TACC2: variants seen among roughly 807,000 people sequenced by gnomAD.
The protein encoded by TACC2 is transforming acidic coiled-coil-containing protein 2.
Under a neutral mutation model 227.3 loss-of-function variants are expected in TACC2, and 137 were observed. The observed-to-expected ratio is 0.60, with a 90% CI of 0.52 to 0.69. TACC2 has a LOEUF of 0.69. TACC2 is among the 30% of genes least tolerant of loss of function. The pLI, the probability that TACC2 is intolerant of heterozygous loss-of-function variation, is 0.00. For missense variants in TACC2, 3,470 were observed against 3,694.4 expected, an observed-to-expected ratio of 0.94 and a Z score of 1.57; for synonymous variants, 1,523 against 1,487.5, an observed-to-expected ratio of 1.02 and a Z score of -0.55.
intron 15 of TACC2, among the ~76,000 whole-genome samples, chr10:122,229,834 C>T (rs1026100761): frequency 5.3e-5 from 8 of 152,152 alleles, no homozygotes; most frequent in African/African-American, 1.9e-4. Context: ...TTTATATATA[C>T]GTGGCTATCT....
At chr10:122,008,888 A>T (rs1955585029) in intron 1 of TACC2, among the ~76,000 whole-genome samples, 1 of 152,166 alleles carries the variant, frequency 6.6e-6, no homozygotes, top group Non-Finnish European at 1.5e-5. Flanking sequence ...TATCCCTTTA[A>T]ATTCCATGTG....
intron 3 of TACC2, among the ~76,000 whole-genome samples, chr10:122,056,413 G>C (rs2076217389): frequency 6.6e-6 from 1 of 152,202 alleles, no homozygotes; most frequent in Non-Finnish European, 1.5e-5. Flanking sequence ...GACCTCAGGT[G>C]ATCTGCCCAC....
At chr10:122,003,463 T>C (rs1018201158) in intron 1 of TACC2, among the ~76,000 whole-genome samples, 3 of 152,146 alleles carry the variant, frequency 2.0e-5, no homozygotes, top group Non-Finnish European at 4.4e-5. Flanking sequence ...GACTCTGATA[T>C]ATATGTAATG....
At chr10:122,044,923 G>A (rs1322223782) in intron 2 of TACC2, among the ~76,000 whole-genome samples, 2 of 152,082 alleles carry the variant, frequency 1.3e-5, no homozygotes, top group Admixed American at 6.6e-5. Context: ...TCCAGCCTGC[G>A]ATTTGGAAGT....
chr10:122,113,015 CT>C, intron 5 of TACC2: 1 of 152,486 alleles, frequency 6.6e-6, no homozygotes, highest in Non-Finnish European at 1.5e-5. Context: ...AGTCATTGGC[CT>C]TTTGTGCTGC....
At chr10:122,088,676 C>T in intron 5 of TACC2, 85 bp downstream of exon 5, 1 of 1,556,646 alleles carries the variant, frequency 6.4e-7, no homozygotes, top group Non-Finnish European at 8.7e-7. Flanking sequence ...GGAGAGTAGT[C>T]CTTATACAGC....
chr10:122,094,969 T>C (rs931555004), intron 5 of TACC2, among the ~76,000 whole-genome samples: 6 of 152,202 alleles, frequency 3.9e-5, no homozygotes. Context: ...GAGATGAATA[T>C]TTTACACTCT....
chr10:122,133,286 C>T (rs1029713141), intron 6 of TACC2, among the ~76,000 whole-genome samples: 1 of 152,184 alleles, frequency 6.6e-6, no homozygotes, highest in Non-Finnish European at 1.5e-5. Flanking sequence ...GCTCTTCACA[C>T]CCCAGCAACC....
At chr10:122,225,381 A>G (rs1017018015) in intron 12 of TACC2, among the ~76,000 whole-genome samples, 46 of 152,226 alleles carry the variant, frequency 3.0e-4, no homozygotes, top group African/African-American at 1.1e-3. Context: ...TTAGTCATAG[A>G]TGCCGGGGTT....
chr10:122,091,647 A>G (rs1426687714), intron 5 of TACC2, among the ~76,000 whole-genome samples: 1 of 152,138 alleles, frequency 6.6e-6, no homozygotes, highest in Non-Finnish European at 1.5e-5. Flanking sequence ...CTCTTGAGGC[A>G]GAGGCTCTGA....
chr10:122,222,665 A>G lies in TACC2; in HGVS notation c.7547-2061A>G, dbSNP rs549584419. On this transcript the variant is annotated intron_variant, in intron 11 of 22. Transcript: ENST00000369005. ...TAAAACTCACCCAGATTCAGCCACC[A>G]GAAGAGCTGAGGTTCCAAGTGGGAC... Among the ~76,000 whole-genome samples, 7 of 152,352 alleles carry G rather than the reference A, an allele frequency of 4.6e-5. No individual in the cohort carries two copies. The South Asian group carries it at 1.5e-3, about 32-fold the overall frequency.
intron 2 of TACC2, among the ~76,000 whole-genome samples, chr10:122,033,402 G>C (rs1959190835): frequency 6.6e-6 from 1 of 152,152 alleles, no homozygotes; most frequent in African/African-American, 2.4e-5. Context: ...GGTATGTTCT[G>C]CAATGCTGAA....
Position 122,191,289 on chromosome 10 carries a change from C to T in TACC2, c.5835-3751C>T, listed in dbSNP as rs114985172. Among the ~76,000 whole-genome samples, 861 of 152,234 alleles carry T rather than the reference C, an allele frequency of 5.7e-3. 6 individuals carry two copies. The highest frequency in any genetic ancestry group is 0.019 in the African/African-American group (774 of 41,520). ...CACCACGATACCTGGCTAGGCAGGA[C>T]GTTTCTGAAGACCTTAGATGTGTGT... is the stretch of plus-strand genomic sequence containing the variant. On this transcript the variant is annotated intron_variant, in intron 7 of 22. Coordinates refer to ENST00000369005, the MANE Select transcript of TACC2 (RefSeq NM_206862.4).
intron 18 of TACC2, 52 bp downstream of exon 18, chr10:122,238,089 T>C (rs778393766): frequency 2.1e-5 from 30 of 1,456,018 alleles, no homozygotes; most frequent in Non-Finnish European, 2.5e-5. Context: ...TTACCTGTGG[T>C]TTAATAATGA....
chr10:122,075,197 AAAAAAAG>A (rs1228015347), intron 3 of TACC2, among the ~76,000 whole-genome samples: 1,222 of 115,342 alleles, frequency 0.011, 15 homozygotes, highest in African/African-American at 0.044. Context: ...CCAAAAAAAA[AAAAAAAG>A]AAAGAAAGAA....
At chr10:122,033,192 A>T (rs772536971) in intron 2 of TACC2, 1 of 1,258,542 alleles carries the variant, frequency 7.9e-7, no homozygotes, top group South Asian at 1.2e-5. Flanking sequence ...CTTCCCTCTC[A>T]GCCCCTTCCT....
chr10:122,158,275 G>C (rs2092610639), intron 7 of TACC2, among the ~76,000 whole-genome samples: 1 of 152,038 alleles, frequency 6.6e-6, no homozygotes, highest in Non-Finnish European at 1.5e-5. Flanking sequence ...TGTGGTCCCA[G>C]CTACTCGGGA....
chr10:122,186,536 C>T (rs1042039981), intron 7 of TACC2, among the ~76,000 whole-genome samples: 1 of 151,956 alleles, frequency 6.6e-6, no homozygotes, highest in African/African-American at 2.4e-5. Context: ...TTTTTTGAAA[C>T]AGAGTCTTGC....
intron 19 of TACC2, among the ~76,000 whole-genome samples, chr10:122,243,831 A>T (rs1179234381): frequency 6.6e-6 from 1 of 152,132 alleles, no homozygotes; most frequent in Non-Finnish European, 1.5e-5. Flanking sequence ...CTTGGTGATG[A>T]CATTTTGGTA....
Sources: allele counts gnomAD v4.1 joint callset (sites outside exome capture counted in the v4.1 genomes callset), GRCh38; gene constraint gnomAD v4.1.1; transcripts MANE v1.5; gene names NCBI Gene and HGNC (gene_info 2026-07-23, HGNC 2026-07-21).